Variants in EEFSEC observed in about 807,000 individuals in gnomAD.
EEFSEC encodes the protein selenocysteine-specific elongation factor.
A neutral mutation model predicts 42.1 loss-of-function variants in EEFSEC; 43 were observed. The observed-to-expected ratio is 1.02, with a 90% CI of 0.80 to 1.32. EEFSEC has a LOEUF of 1.32. EEFSEC is among the 40% of genes most tolerant of loss of function. The pLI is 0.00. For missense variants in EEFSEC, 745 were observed against 803.6 expected, an observed-to-expected ratio of 0.93 and a Z score of 0.88; for synonymous variants, 354 against 339.1, an observed-to-expected ratio of 1.04 and a Z score of -0.48.
chr3:128,195,607 C>T (rs2065576238), intron 1 of EEFSEC, among the ~76,000 whole-genome samples: 1 of 152,172 alleles, frequency 6.6e-6, no homozygotes, highest in Non-Finnish European at 1.5e-5. Context: ...CTCTGCTGAG[C>T]CTCGTCTCCT....
chr3:128,239,065 G>A (rs192177141), intron 1 of EEFSEC, among the ~76,000 whole-genome samples: 185 of 152,330 alleles, frequency 1.2e-3, no homozygotes, highest in African/African-American at 4.2e-3. Flanking sequence ...TGTTTGTGGA[G>A]GAGCCTGCCT....
At chr3:128,402,588 C>T (rs2068061124) in intron 6 of EEFSEC, among the ~76,000 whole-genome samples, 1 of 152,232 alleles carries the variant, frequency 6.6e-6, no homozygotes, top group Non-Finnish European at 1.5e-5. Flanking sequence ...CCTGTTTCCT[C>T]AACACGGTGT....
chr3:128,379,162 C>A, intron 6 of EEFSEC, among the ~76,000 whole-genome samples: 1 of 152,214 alleles, frequency 6.6e-6, no homozygotes, highest in East Asian at 1.9e-4. Context: ...TGCTGCCAAC[C>A]CCCACCCAGT....
chr3:128,182,055 C>T (rs1020228949), intron 1 of EEFSEC, among the ~76,000 whole-genome samples: 11 of 152,152 alleles, frequency 7.2e-5, no homozygotes, highest in Admixed American at 1.3e-4. Context: ...TCAAGTGATC[C>T]GCCTGCCTTG....
chr3:128,266,505 A>T (rs2066355319), intron 4 of EEFSEC, among the ~76,000 whole-genome samples: 1 of 152,010 alleles, frequency 6.6e-6, no homozygotes, highest in Non-Finnish European at 1.5e-5. Context: ...CAGTGTGTCT[A>T]TTACTTCCTT....
chr3:128,338,760 C>A (rs1559927676), intron 4 of EEFSEC, among the ~76,000 whole-genome samples: 1 of 152,120 alleles, frequency 6.6e-6, no homozygotes, highest in Non-Finnish European at 1.5e-5. Flanking sequence ...GGGGGCTCAG[C>A]CCTGTGAGTG....
At chr3:128,308,183 G>A (rs112854542) in intron 4 of EEFSEC, among the ~76,000 whole-genome samples, 6 of 152,358 alleles carry the variant, frequency 3.9e-5, no homozygotes, top group African/African-American at 1.4e-4. Flanking sequence ...AGAAGAGGCT[G>A]GAGGCCAAGC....
intron 4 of EEFSEC, among the ~76,000 whole-genome samples, chr3:128,293,790 CTT>C (rs1354854873): frequency 2.1e-4 from 32 of 152,084 alleles, no homozygotes; most frequent in African/African-American, 7.2e-4. Flanking sequence ...GGGTGAATGA[CTT>C]CACCTTTCTG....
chr3:128,210,096 T>C (rs2065740760), intron 1 of EEFSEC, among the ~76,000 whole-genome samples: 1 of 152,104 alleles, frequency 6.6e-6, no homozygotes, highest in Non-Finnish European at 1.5e-5. Context: ...ATCCATTGTT[T>C]AAGAAAAAAA....
At chr3:128,387,928 C>T (rs1438856714) in intron 6 of EEFSEC, among the ~76,000 whole-genome samples, 2 of 152,180 alleles carry the variant, frequency 1.3e-5, no homozygotes, top group Admixed American at 1.3e-4. Context: ...TAGATGGGCA[C>T]GGGCAGGCAC....
intron 1 of EEFSEC, among the ~76,000 whole-genome samples, chr3:128,192,182 A>G (rs1159638855): frequency 6.6e-6 from 1 of 152,154 alleles, no homozygotes; most frequent in African/African-American, 2.4e-5. Flanking sequence ...GCCTGGCAGA[A>G]TTCTGTGTGG....
intron 1 of EEFSEC, among the ~76,000 whole-genome samples, chr3:128,190,899 T>G (rs1385235548): frequency 6.6e-6 from 1 of 152,254 alleles, no homozygotes; most frequent in Non-Finnish European, 1.5e-5. Context: ...GTCACCTGCT[T>G]CAGCTCACTG....
At chr3:128,369,370 T>C (rs145554061) in intron 6 of EEFSEC, among the ~76,000 whole-genome samples, 1 of 152,320 alleles carries the variant, frequency 6.6e-6, no homozygotes, top group Non-Finnish European at 1.5e-5. Context: ...TGAAACTGGC[T>C]TTCTTCTCTT....
intron 4 of EEFSEC, among the ~76,000 whole-genome samples, chr3:128,321,381 C>T (rs1381557061): frequency 2.0e-5 from 3 of 152,284 alleles, no homozygotes; most frequent in East Asian, 1.9e-4. Context: ...CCTCCATGAG[C>T]TGGCCCTCAG....
intron 6 of EEFSEC, among the ~76,000 whole-genome samples, chr3:128,402,867 G>A (rs543589895): frequency 1.3e-5 from 2 of 152,268 alleles, no homozygotes; most frequent in South Asian, 4.1e-4. Context: ...CTGAGTATCC[G>A]CCACTCACCA....
chr3:128,336,533 C>A (rs1027869248), intron 4 of EEFSEC, among the ~76,000 whole-genome samples: 3 of 152,168 alleles, frequency 2.0e-5, no homozygotes, highest in Non-Finnish European at 4.4e-5. Context: ...CCTGGACCAC[C>A]GCACCTCAGC....
chr3:128,394,170 C>T (rs374325180), intron 6 of EEFSEC, among the ~76,000 whole-genome samples: 3 of 152,226 alleles, frequency 2.0e-5, no homozygotes, highest in South Asian at 2.1e-4. Flanking sequence ...CCTGTACCCA[C>T]GCTCACCCTG....
At chr3:128,271,389 T>G (rs113053438) in intron 4 of EEFSEC, among the ~76,000 whole-genome samples, 39 of 152,298 alleles carry the variant, frequency 2.6e-4, no homozygotes, top group African/African-American at 8.4e-4. Context: ...AAATATTGAG[T>G]GACCTTCATC....
chr3:128,241,536 G>A (rs967072151), intron 1 of EEFSEC, among the ~76,000 whole-genome samples: 5 of 152,038 alleles, frequency 3.3e-5, no homozygotes, highest in Non-Finnish European at 7.4e-5. Context: ...GTAGAGACGG[G>A]GTTTCACTAT....
Sources: allele counts gnomAD v4.1 joint callset (sites outside exome capture counted in the v4.1 genomes callset), GRCh38; gene constraint gnomAD v4.1.1; transcripts MANE v1.5; gene names NCBI Gene and HGNC (gene_info 2026-07-23, HGNC 2026-07-21).